The following PHF10 variants were observed in gnomAD, a reference collection of about 807,000 sequenced individuals.
PHF10 encodes the protein BRG1-associated factor 45a.
Under a neutral mutation model 68.5 loss-of-function variants are expected in PHF10, and 51 were observed. That is an observed-to-expected ratio of 0.74 (90% CI 0.59 to 0.94). PHF10 has a LOEUF of 0.94. Ranked by LOEUF, PHF10 falls within the 40% of genes least tolerant of loss-of-function variation. The pLI, the probability that PHF10 is intolerant of heterozygous loss-of-function variation, is 0.00. For missense variants in PHF10, 460 were observed against 602.6 expected, an observed-to-expected ratio of 0.76 and a Z score of 2.48; for synonymous variants, 204 against 203.5, an observed-to-expected ratio of 1.00 and a Z score of -0.02.
intron 2 of PHF10, among the ~76,000 whole-genome samples, 154 bp downstream of exon 2, chr6:169,720,851 G>A (rs181425722): frequency 6.6e-6 from 1 of 152,220 alleles, no homozygotes; most frequent in Non-Finnish European, 1.5e-5. Flanking sequence ...ACACTCAGTA[G>A]CAAGACCAAC....
chr6:169,711,477 T>A (rs563814369), intron 8 of PHF10, among the ~76,000 whole-genome samples: 1 of 152,330 alleles, frequency 6.6e-6, no homozygotes, highest in Admixed American at 6.5e-5. Context: ...GTGGATTTGC[T>A]AGGTCAAATA....
chr6:169,714,630 C>T (rs192544572), intron 7 of PHF10, 103 bp downstream of exon 7: 4 of 709,028 alleles, frequency 5.6e-6, no homozygotes, highest in African/African-American at 1.8e-5. Flanking sequence ...CGATATCTTA[C>T]GGTGATATCT....
At position 169,724,161 on chromosome 6, in the gene PHF10, G is replaced by T. The variant is rs1381702751; in HGVS notation, c.-230C>A. On this transcript the variant is annotated 5_prime_UTR_variant, in exon 1 of 12. Transcript: ENST00000339209. ...CGCCAGCGCGCCGCCCGCGCGGGAGGGCGCCAAAGGCTGGGAGGGCGCGGG... is the reference window on the plus strand; with the variant it reads ...CGCCAGCGCGCCGCCCGCGCGGGAGTGCGCCAAAGGCTGGGAGGGCGCGGG... The T allele has an allele frequency of 1.4e-5, 2 of 145,600 alleles. No homozygotes were observed. Among genetic ancestry groups the T allele is most frequent in the Non-Finnish European group, 3.0e-5 (2 of 65,652 alleles). 9.0% of individuals were successfully genotyped at this position (145,600 alleles called of 1,614,324 possible). A position where few individuals can be genotyped will look rare whatever the true frequency, so the allele number is the denominator to read the frequency against.
At chr6:169,713,838 A>C (rs1247486563) in intron 7 of PHF10, among the ~76,000 whole-genome samples, 1 of 152,012 alleles carries the variant, frequency 6.6e-6, no homozygotes, top group Non-Finnish European at 1.5e-5. Context: ...TTTAAAACAA[A>C]ATGGGCTGGG....
At chr6:169,714,575 T>G (rs1789000356) in intron 7 of PHF10, among the ~76,000 whole-genome samples, 158 bp downstream of exon 7, 1 of 152,176 alleles carries the variant, frequency 6.6e-6, no homozygotes, top group African/African-American at 2.4e-5. Flanking sequence ...CTACAGGGTA[T>G]TGTTTACCAC....
Position 169,712,405 on chromosome 6 carries a change from C to T in PHF10, c.938G>A (p.Arg313Gln), listed in dbSNP as rs1026792126. The T allele has an allele frequency of 1.9e-6, 3 of 1,613,946 alleles. No homozygotes were observed. Among genetic ancestry groups the T allele is most frequent in the Admixed American group, 1.7e-5 (1 of 59,980 alleles). Residue 313 changes from arginine (R) to glutamine (Q), a missense_variant, in exon 8 of 12, where the codon CGG (arginine) becomes CAG (glutamine). This residue lies in a region of PHF10 where 256 missense variants were observed against 410.5 expected (regional missense o/e 0.62). Transcript: ENST00000339209. The part of the protein sequence containing the change: ...DGEDGRGDEK[R>Q]KNKGTSDSSS... ...TCTCACCGAAGTGCCTTTATTTTTC[C>T]GTTTCTCATCACCTCGACCATCTTC...
In PHF10 at chr6:169,712,499, C is replaced by T. The variant is rs1193457372; in HGVS notation, c.844G>A (p.Ala282Thr). Residue 282 changes from alanine (A) to threonine (T), a missense_variant, in exon 8 of 12, where the codon GCC (alanine) becomes ACC (threonine). This residue lies in a region of PHF10 where 256 missense variants were observed against 410.5 expected (regional missense o/e 0.62). Coordinates refer to ENST00000339209, the MANE Select transcript of PHF10 (RefSeq NM_018288.4). Reference sequence around the variant, plus strand: ...GGATCCAGAGGGGGCTCATACAGGGCTGTGTTTAATGGCAGATACCGCAGC... The same window carrying T: ...GGATCCAGAGGGGGCTCATACAGGGTTGTGTTTAATGGCAGATACCGCAGC... Reference protein sequence around the residue: ...DELRYLPLNTALYEPPLDPEL... With the variant: ...DELRYLPLNTTLYEPPLDPEL... 2.5e-6 allele frequency: 4 copies of T among 1,613,744 alleles called. No homozygotes were observed. Among genetic ancestry groups the T allele is most frequent in the Non-Finnish European group, 3.4e-6 (4 of 1,179,812 alleles).
At chr6:169,719,096 G>C (rs1367185096) in intron 2 of PHF10, 178 bp from the exon 3 acceptor site, 3 of 491,878 alleles carry the variant, frequency 6.1e-6, no homozygotes, top group East Asian at 7.0e-5. Context: ...ATAATTATCT[G>C]GTCTACCAAG....
intron 8 of PHF10, among the ~76,000 whole-genome samples, chr6:169,710,841 A>G (rs77535897): frequency 6.7e-6 from 1 of 148,842 alleles, no homozygotes; most frequent in Admixed American, 6.7e-5. Context: ...GCAGTTAGGA[A>G]AAAAAAAAAA....
chr6:169,717,028 T>G (rs182881410), intron 4 of PHF10, among the ~76,000 whole-genome samples: 2 of 152,062 alleles, frequency 1.3e-5, no homozygotes, highest in African/African-American at 4.8e-5. Flanking sequence ...CCAAGGTGGG[T>G]GGATCACAAG....
chr6:169,717,723 T>C, intron 4 of PHF10, 100 bp downstream of exon 4: 1 of 608,920 alleles, frequency 1.6e-6, no homozygotes, highest in Non-Finnish European at 2.9e-6. Flanking sequence ...TTCAATTTAT[T>C]TTATTAATTT....
chr6:169,705,821 G>A (rs1425090658), intron 9 of PHF10, 97 bp from the exon 10 acceptor site: 2 of 727,096 alleles, frequency 2.8e-6, no homozygotes, highest in African/African-American at 3.5e-5. Context: ...TTTACTTTTG[G>A]TAACTTGCTA....
rs368620939 is a variant in PHF10, at chr6:169,712,540, C to G, written c.804-1G>C. 5.0e-6 allele frequency: 8 copies of G among 1,604,622 alleles called. No individual in the cohort carries two copies. The highest frequency in any genetic ancestry group is 6.8e-6 in the Non-Finnish European group (8 of 1,177,582). ...ATACCGCAGCTCATCTGGTGAGTACCTGAAGTTCAGAGAGTTTATTTTTGG... is the reference window on the plus strand; with the variant it reads ...ATACCGCAGCTCATCTGGTGAGTACGTGAAGTTCAGAGAGTTTATTTTTGG... On this transcript the variant is annotated splice_acceptor_variant, in intron 7 of 11. Transcript: ENST00000339209. LOFTEE classifies it high-confidence loss of function.
At chr6:169,718,227 T>C (rs1295415274) in intron 3 of PHF10, among the ~76,000 whole-genome samples, 1 of 152,150 alleles carries the variant, frequency 6.6e-6, no homozygotes, top group East Asian at 1.9e-4. Context: ...CAAGAAACAA[T>C]GGTAAAAATC....
In PHF10 at chr6:169,717,996, A is replaced by G. The variant is rs1473997549; in HGVS notation, c.326-90T>C. ...AAAGCTTAAAAACCTTGACTTTTTA[A>G]AGTATTCATATTACATATTCCAAAT... On this transcript the variant is annotated intron_variant, in intron 3 of 11. Transcript: ENST00000339209. 5.4e-6 allele frequency: 3 copies of G among 560,670 alleles called. No homozygotes were observed. In the East Asian group the frequency reaches 9.0e-5, roughly 17 times the overall value. 34.7% of individuals were successfully genotyped at this position (560,670 alleles called of 1,614,324 possible). A position where few individuals can be genotyped will look rare whatever the true frequency, so the allele number is the denominator to read the frequency against.
At position 169,718,878 on chromosome 6, in the gene PHF10, AT is replaced by A. The variant is rs759689449; in HGVS notation, c.234del (p.Lys78AsnfsTer23). The A allele has an allele frequency of 3.8e-6, 6 of 1,599,004 alleles. No individual in the cohort carries two copies. In the South Asian group the frequency reaches 6.6e-5, roughly 18 times the overall value. ...YYPAENLIEY[K>X]WPPDETGEYY... ...TATTCTCCTGTTTCATCAGGTGGCC[AT>A]TTGTACTCTATCAAGTTTTCTGCTG... On this transcript the variant is annotated frameshift_variant, in exon 3 of 12. Coordinates refer to ENST00000339209, the MANE Select transcript of PHF10 (RefSeq NM_018288.4). LOFTEE classifies it high-confidence loss of function.
chr6:169,715,915 C>T (rs550464561), intron 5 of PHF10, 40 bp downstream of exon 5: 1 of 1,596,286 alleles, frequency 6.3e-7, no homozygotes, highest in Admixed American at 1.7e-5. Context: ...GTCATTTTCC[C>T]CAACCCAAAT....
chr6:169,710,073 G>GT, intron 9 of PHF10, 163 bp downstream of exon 9: 2 of 503,616 alleles, frequency 4.0e-6, no homozygotes, highest in Non-Finnish European at 7.1e-6. Flanking sequence ...AAGCCACCAA[G>GT]GAAATAAAGC....
At chr6:169,714,312 T>C (rs542978181) in intron 7 of PHF10, among the ~76,000 whole-genome samples, 2 of 152,322 alleles carry the variant, frequency 1.3e-5, no homozygotes, top group African/African-American at 4.8e-5. Flanking sequence ...AAGTCAGTGT[T>C]TCTCAAACTC....
Sources: gnomAD v4.1 joint callset for allele counts (sites outside exome capture counted in the v4.1 genomes callset) on GRCh38, gnomAD v4.1.1 for gene constraint, gnomAD v4.1.1 regional missense constraint, MANE v1.5 for transcripts, NCBI Gene and HGNC (gene_info 2026-07-23, HGNC 2026-07-21) for gene names.